The following ASPM variants were observed in gnomAD, a reference collection of about 807,000 sequenced individuals.
ASPM encodes the protein assembly factor for spindle microtubules, also known as abnormal spindle-like microcephaly-associated protein.
Under a neutral mutation model 366.4 loss-of-function variants are expected in ASPM, and 256 were observed. That is an observed-to-expected ratio of 0.70 (90% confidence interval 0.63 to 0.77). The LOEUF (loss-of-function observed/expected upper bound fraction) is 0.77. Ranked by LOEUF, ASPM falls within the 30% of genes least tolerant of loss-of-function variation. The pLI, the probability that ASPM is intolerant of heterozygous loss-of-function variation, is 0.00. For synonymous variants in ASPM, 1,414 were observed against 1,342.9 expected (o/e 1.05, Z -1.16); for missense variants, 4,146 against 4,090.4 (o/e 1.01, Z -0.37).
chr1:197,127,672 T>C (rs945798342), intron 10 of ASPM, among the ~76,000 whole-genome samples: 6 of 152,292 alleles, frequency 3.9e-5, no homozygotes, highest in Middle Eastern at 3.4e-3. Context: ...AAAGCCAATT[T>C]TGAGCATTCC....
intron 5 of ASPM, 43 bp downstream of exon 5, chr1:197,135,053 T>G (rs1198432490): frequency 7.4e-7 from 1 of 1,344,644 alleles, no homozygotes; most frequent in Non-Finnish European, 1.0e-6. Flanking sequence ...AATCTTTATC[T>G]GTTAAAAGTA....
intron 20 of ASPM, among the ~76,000 whole-genome samples, chr1:197,093,550 C>A (rs1656858120): frequency 6.6e-6 from 1 of 151,816 alleles, no homozygotes; most frequent in Admixed American, 6.6e-5. Flanking sequence ...ACTAACATTA[C>A]AGGACAAATA....
At position 197,101,022 on chromosome 1, in the gene ASPM, T is replaced by G; in HGVS notation, c.8229A>C (p.Arg2743=). The change falls in exon 18 of 28, where the codon CGA becomes CGC. Residue 2743 remains arginine, a synonymous_variant. Coordinates refer to ENST00000367409, the MANE Select transcript of ASPM (RefSeq NM_018136.5). ...TGCCTCTAAAAGCAGCCTGAATAGT[T>G]CGTACAGATTTCTGAACTGCTAAAA... ...KNFLAVQKSV[R]TIQAAFRGMK... The G allele has an allele frequency of 6.2e-7, 1 of 1,612,336 alleles. No homozygotes were observed.
rs139855488 is a variant in ASPM at position 197,123,948 on chromosome 1, T to C, written c.3390+162A>G. 7.3e-3 allele frequency among the ~76,000 whole-genome samples: 1,109 copies of C among 152,264 alleles called. 13 individuals carry two copies. Among genetic ancestry groups the C allele is most frequent in the African/African-American group, 0.025 (1,054 of 41,574 alleles). On this transcript the variant is annotated intron_variant, in intron 13 of 27. Coordinates refer to ENST00000367409, the MANE Select transcript of ASPM (RefSeq NM_018136.5). ...ATCACACAATTGGTGATAGATTAGA[T>C]GAAATACAGTGTATGATAAAACATT...
chr1:197,095,694 C>A (rs543795501), intron 19 of ASPM, among the ~76,000 whole-genome samples: 1 of 151,654 alleles, frequency 6.6e-6, no homozygotes, highest in Non-Finnish European at 1.5e-5. Context: ...CAAGTCTTAA[C>A]TAAATGATTT....
intron 17 of ASPM, among the ~76,000 whole-genome samples, chr1:197,116,348 T>C (rs1339178268): frequency 6.6e-6 from 1 of 152,128 alleles, no homozygotes; most frequent in Non-Finnish European, 1.5e-5. Context: ...ACACTTCCTA[T>C]CAAAGATCAT....
At chr1:197,128,378 T>A in intron 10 of ASPM, 112 bp downstream of exon 10, 2 of 1,066,800 alleles carry the variant, frequency 1.9e-6, no homozygotes, top group Non-Finnish European at 2.8e-6. Flanking sequence ...TTTTCAGTAC[T>A]AAATTTATTG....
In ASPM at chr1:197,142,800, A is replaced by G. The variant is rs768628171; in HGVS notation, c.1452T>C (p.Asn484=). Residue 484 remains asparagine, a synonymous_variant, in exon 3 of 28, where the codon AAT becomes AAC. Coordinates refer to ENST00000367409, the MANE Select transcript of ASPM (RefSeq NM_018136.5). ...AVQDISSHSH[N]KQPKRRPILS... ...GTATTGGACGTCTCTTAGGTTGTTT[A>G]TTGTGGCTATGACTAGAAATATCCT... 4 of 1,613,538 alleles carry G rather than the reference A, an allele frequency of 2.5e-6. No homozygotes were observed. The highest frequency in any genetic ancestry group is 8.5e-7 in the Non-Finnish European group (1 of 1,179,620).
At position 197,146,153 on chromosome 1, in the gene ASPM, A is replaced by G. The variant is rs991970757; in HGVS notation, c.285T>C (p.Cys95=). ...TCCTGAGACCTACCTGCAACACGAA[A>G]CAGCGCTGCGACACACTGAAGCCCA... is the stretch of plus-strand genomic sequence containing the variant. ...ADLGFSVSQR[C]FVLQPKEKIV... is the part of the protein sequence containing the mutation. The change falls in exon 1 of 28, where the codon TGT becomes TGC. Residue 95 remains cysteine (C), a synonymous_variant. Transcript: ENST00000367409. 7 of 1,614,044 alleles carry G rather than the reference A, an allele frequency of 4.3e-6. No homozygotes were observed. The South Asian group carries it at 5.5e-5, about 13-fold the overall frequency.
intron 25 of ASPM, among the ~76,000 whole-genome samples, chr1:197,088,642 T>C (rs1656676044): frequency 6.6e-6 from 1 of 152,102 alleles, no homozygotes; most frequent in African/African-American, 2.4e-5. Flanking sequence ...TTAATCTTAA[T>C]CTTTTCCCCC....
rs1439599032 is a variant in ASPM at position 197,117,978 on chromosome 1, T to G, written c.3876A>C (p.Arg1292Ser). 6.2e-7 allele frequency: 1 copy of G among 1,612,890 alleles called. No homozygotes were observed. The highest frequency in any genetic ancestry group is 1.3e-5 in the African/African-American group (1 of 74,876). The change falls in exon 17 of 28, where the codon AGA (arginine) becomes AGC (serine). Residue 1292 changes from arginine to serine, a missense_variant. Arg to Ser is a moderately radical substitution (Grantham distance 110). Transcript: ENST00000367409. ...ATTGAATAATTCTTGCAGCTTTCTC[T>G]CTCTCCTAAAATAAAAAAGTCAGCA... ...LKTDLKRHQEREKAARIIQLA... is the reference protein window; with the variant it reads ...LKTDLKRHQESEKAARIIQLA...
At chr1:197,095,876 C>T (rs1656956615) in intron 19 of ASPM, 122 bp downstream of exon 19, 24 of 917,622 alleles carry the variant, frequency 2.6e-5, no homozygotes, top group Middle Eastern at 7.1e-4. Flanking sequence ...ACAAAACCAA[C>T]CATATAAATT....
rs933106143 is a variant in ASPM, at chr1:197,142,578, A to G, written c.1674T>C (p.Tyr558=). 3 of 1,613,854 alleles carry G rather than the reference A, an allele frequency of 1.9e-6. No individual in the cohort carries two copies. Residue 558 remains tyrosine, a synonymous_variant, in exon 3 of 28, where the codon TAT becomes TAC. Transcript: ENST00000367409. ...TCGAAGAGGGTGTTACCTCGTTTTT[A>G]TAACTCTTAGATTTACTTAATATTG... ...IDPILSKSKS[Y]KNEVTPSSTT... is the part of the protein sequence containing the mutation.
At chr1:197,119,987 T>C (rs564223614) in intron 16 of ASPM, among the ~76,000 whole-genome samples, 6 of 152,132 alleles carry the variant, frequency 3.9e-5, no homozygotes, top group African/African-American at 1.4e-4. Context: ...ATGTTCTAAA[T>C]AGAAAACGGA....
chr1:197,084,988 T>G (rs1314278564), intron 27 of ASPM, among the ~76,000 whole-genome samples: 1 of 141,018 alleles, frequency 7.1e-6, no homozygotes, highest in Non-Finnish European at 1.6e-5. Context: ...TCTACCCCAC[T>G]GAGATCTCCA....
intron 16 of ASPM, among the ~76,000 whole-genome samples, chr1:197,118,459 C>T (rs747476870): frequency 3.9e-5 from 6 of 151,900 alleles, no homozygotes; most frequent in Non-Finnish European, 8.8e-5. Context: ...TACATTGTGG[C>T]CTTAGGTCAT....
At chr1:197,107,249 A>G (rs1657440780) in intron 17 of ASPM, among the ~76,000 whole-genome samples, 1 of 152,084 alleles carries the variant, frequency 6.6e-6, no homozygotes, top group Non-Finnish European at 1.5e-5. Context: ...ATAGACTTTA[A>G]GAATTGAATA....
chr1:197,098,337 C>G (rs1281450656), intron 18 of ASPM, among the ~76,000 whole-genome samples: 1 of 151,366 alleles, frequency 6.6e-6, no homozygotes, highest in Non-Finnish European at 1.5e-5. Flanking sequence ...GCTTCCCATA[C>G]CAATTAGAAT....
At chr1:197,098,645 G>T (rs1423863971) in intron 18 of ASPM, among the ~76,000 whole-genome samples, 1 of 151,312 alleles carries the variant, frequency 6.6e-6, no homozygotes, top group Non-Finnish European at 1.5e-5. Flanking sequence ...TTGGTTTCTT[G>T]ATACCATTAA....
Sources: allele counts gnomAD v4.1 joint callset (sites outside exome capture counted in the v4.1 genomes callset), GRCh38; gene constraint gnomAD v4.1.1; transcripts MANE v1.5; gene names NCBI Gene and HGNC (gene_info 2026-07-23, HGNC 2026-07-21).